GLI3: variants seen among roughly 807,000 people sequenced by gnomAD.
GLI3 encodes the protein GLI family zinc finger 3, also known as transcription activator GLI3.
In GLI3, 20 loss-of-function variants were observed where a neutral mutation model predicts 100.8. That is an observed-to-expected ratio of 0.20 (90% CI 0.14 to 0.29). The LOEUF is 0.29. GLI3 is among the 10% of genes least tolerant of loss of function. The pLI, the probability that GLI3 is intolerant of heterozygous loss-of-function variation, is 1.00. For synonymous variants in GLI3, 938 were observed against 860.5 expected, an observed-to-expected ratio of 1.09 and a Z score of -1.58; for missense variants, 2,040 against 2,128.5, an observed-to-expected ratio of 0.96 and a Z score of 0.82.
intron 2 of GLI3, among the ~76,000 whole-genome samples, chr7:42,216,094 T>C (rs562341195): frequency 6.6e-6 from 1 of 152,340 alleles, no homozygotes; most frequent in African/African-American, 2.4e-5. Flanking sequence ...ACTTAGCCCA[T>C]GATCACACAG....
intron 3 of GLI3, among the ~76,000 whole-genome samples, chr7:42,141,972 C>G (rs1455902584): frequency 6.6e-6 from 1 of 152,138 alleles, no homozygotes; most frequent in Non-Finnish European, 1.5e-5. Context: ...AGTCCCCAGT[C>G]CTACCCTAGG....
At chr7:42,263,473 G>A (rs971621174) in intron 1 of GLI3, among the ~76,000 whole-genome samples, 1 of 151,698 alleles carries the variant, frequency 6.6e-6, no homozygotes, top group African/African-American at 2.4e-5. Context: ...TGAAAAGGGG[G>A]TCTCACTCTG....
chr7:42,016,143 C>T (rs1461474452), intron 10 of GLI3, among the ~76,000 whole-genome samples: 2 of 152,064 alleles, frequency 1.3e-5, no homozygotes, highest in African/African-American at 2.4e-5. Context: ...AATGATCTGC[C>T]CTTATGTGCT....
In GLI3 at chr7:42,202,346, TCACACACACA is replaced by T. The variant is rs59941465; in HGVS notation, c.124+20774_124+20783del. On this transcript the variant is annotated intron_variant, in intron 2 of 14. Coordinates refer to ENST00000395925, the MANE Select transcript of GLI3 (RefSeq NM_000168.6). Reference sequence around the variant, plus strand: ...CTCTCTCTCTCTCTCTCTCTCTCTCTCACACACACACACACACACACACACACACACACAC... The same window carrying T: ...CTCTCTCTCTCTCTCTCTCTCTCTCTCACACACACACACACACACACACAC... 1.1e-3 allele frequency among the ~76,000 whole-genome samples: 129 copies of T among 115,300 alleles called. 1 individual carries two copies. Among genetic ancestry groups the T allele is most frequent in the Admixed American group, 3.0e-3 (32 of 10,634 alleles). The allele number at this position is 115,300 out of a possible 152,430, so 75.6% of individuals were successfully genotyped here. A position where few individuals can be genotyped will look rare whatever the true frequency, so the allele number is the denominator to read the frequency against.
chr7:42,124,261 G>A (rs846393), intron 3 of GLI3, among the ~76,000 whole-genome samples: 45,428 of 152,134 alleles, frequency 0.3, 7,289 homozygotes, highest in African/African-American at 0.4. Context: ...ATATGACTAT[G>A]TCTTTTTCCC....
chr7:42,041,142 G>A (rs1285511386), intron 6 of GLI3, among the ~76,000 whole-genome samples: 1 of 152,176 alleles, frequency 6.6e-6, no homozygotes, highest in African/African-American at 2.4e-5. Flanking sequence ...TGAACCTATA[G>A]GGCATTTTAG....
At chr7:42,079,922 ATC>A (rs1784964757) in intron 3 of GLI3, among the ~76,000 whole-genome samples, 1 of 152,204 alleles carries the variant, frequency 6.6e-6, no homozygotes, top group Non-Finnish European at 1.5e-5. Flanking sequence ...AACAGTCACA[ATC>A]TTTTATATGA....
intron 11 of GLI3, 39 bp from the exon 12 acceptor site, chr7:41,977,761 G>A (rs1374285364): frequency 6.3e-7 from 1 of 1,581,940 alleles, no homozygotes; most frequent in Non-Finnish European, 8.7e-7. Context: ...TCTGCACAAT[G>A]GCAACAGCAG....
At chr7:41,974,075 G>C (rs1017820409) in intron 12 of GLI3, among the ~76,000 whole-genome samples, 2 of 152,120 alleles carry the variant, frequency 1.3e-5, no homozygotes, top group African/African-American at 2.4e-5. Flanking sequence ...AGGCAGACTG[G>C]GATATATGGG....
At chr7:42,150,757 T>A (rs1328217218) in intron 2 of GLI3, among the ~76,000 whole-genome samples, 2 of 152,184 alleles carry the variant, frequency 1.3e-5, no homozygotes, top group African/African-American at 4.8e-5. Flanking sequence ...TAAAACGGCA[T>A]CCCTATAATA....
upstream of GLI3, among the ~76,000 whole-genome samples, chr7:42,241,327 T>C (rs1788922763): frequency 6.6e-6 from 1 of 152,194 alleles, no homozygotes; most frequent in South Asian, 2.1e-4. Context: ...GTGGATCCGA[T>C]ATTCCCCTTG....
At chr7:42,232,399 G>T (rs1485000396) in intron 1 of GLI3, among the ~76,000 whole-genome samples, 1 of 152,256 alleles carries the variant, frequency 6.6e-6, no homozygotes, top group Non-Finnish European at 1.5e-5. Context: ...CAAGTCGACA[G>T]AGTACACTTT....
chr7:42,213,293 C>CA (rs1226581619), intron 2 of GLI3, among the ~76,000 whole-genome samples: 1 of 152,200 alleles, frequency 6.6e-6, no homozygotes, highest in Non-Finnish European at 1.5e-5. Flanking sequence ...CTGACCACTA[C>CA]AATTTCAAAA....
chr7:41,969,302 G>A (rs1175590530), intron 13 of GLI3, among the ~76,000 whole-genome samples: 3 of 152,146 alleles, frequency 2.0e-5, no homozygotes, highest in Admixed American at 6.5e-5. Flanking sequence ...GACAGCAGCC[G>A]AAAGGGAGAG....
intron 2 of GLI3, among the ~76,000 whole-genome samples, chr7:42,221,822 C>A (rs976748268): frequency 6.6e-6 from 1 of 152,204 alleles, no homozygotes; most frequent in Non-Finnish European, 1.5e-5. Context: ...TGCAAATATT[C>A]TGGCTCAATT....
intron 3 of GLI3, among the ~76,000 whole-genome samples, chr7:42,135,117 CTTAA>C (rs994224543): frequency 5.0e-4 from 76 of 152,292 alleles, no homozygotes; most frequent in African/African-American, 1.8e-3. Context: ...TGATATGCAA[CTTAA>C]TTGTTTCATG....
At chr7:41,967,572 T>C (rs908841541) in intron 14 of GLI3, 24 bp downstream of exon 14, 2 of 1,541,480 alleles carry the variant, frequency 1.3e-6, no homozygotes, top group African/African-American at 1.4e-5. Context: ...CCTGAGCAGA[T>C]GCATGGTCTG....
At chr7:42,160,091 T>A (rs1001205249) in intron 2 of GLI3, among the ~76,000 whole-genome samples, 1 of 152,328 alleles carries the variant, frequency 6.6e-6, no homozygotes, top group African/African-American at 2.4e-5. Context: ...CAAAGGCAGA[T>A]AGTAAAACTT....
intron 1 of GLI3, among the ~76,000 whole-genome samples, chr7:42,254,955 A>T (rs1263552067): frequency 2.6e-5 from 4 of 151,988 alleles, no homozygotes. Context: ...AATGAAACCT[A>T]GATCCTGGGT....
Sources: allele counts gnomAD v4.1 joint callset (sites outside exome capture counted in the v4.1 genomes callset), GRCh38; gene constraint gnomAD v4.1.1; transcripts MANE v1.5; gene names NCBI Gene and HGNC (gene_info 2026-07-23, HGNC 2026-07-21).